ALK: variants seen among roughly 807,000 people sequenced by gnomAD.
The protein encoded by ALK is ALK receptor tyrosine kinase, also known as ALK tyrosine kinase receptor.
In ALK, 74 loss-of-function variants were observed where a neutral mutation model predicts 163.1. The ratio of observed to expected loss-of-function variants is 0.45; its 90% confidence interval spans 0.38 to 0.55. The LOEUF (loss-of-function observed/expected upper bound fraction) is 0.55. ALK is among the 20% of genes least tolerant of loss of function. The probability of loss-of-function intolerance (pLI) is 0.00; values close to 1 mark genes in which losing one functional copy is unlikely to be tolerated. For synonymous variants in ALK, 960 were observed against 843.2 expected (o/e 1.14, Z -2.40); for missense variants, 2,063 against 2,105.3 (o/e 0.98, Z 0.39).
intron 15 of ALK, among the ~76,000 whole-genome samples, chr2:29,230,162 G>A (rs890768999): frequency 6.6e-6 from 1 of 151,956 alleles, no homozygotes; most frequent in Non-Finnish European, 1.5e-5. Flanking sequence ...CATAGTATTT[G>A]CACATTCTCC....
At chr2:29,433,795 A>G (rs1035064825) in intron 4 of ALK, among the ~76,000 whole-genome samples, 3 of 152,248 alleles carry the variant, frequency 2.0e-5, no homozygotes, top group Non-Finnish European at 4.4e-5. Flanking sequence ...GGGTATGGGT[A>G]TACCCAGACT....
intron 1 of ALK, among the ~76,000 whole-genome samples, chr2:29,782,740 C>G (rs1663869043): frequency 6.6e-6 from 1 of 152,222 alleles, no homozygotes; most frequent in African/African-American, 2.4e-5. Context: ...CAGTGACCTA[C>G]ACAGAAGTGA....
At chr2:29,318,179 C>G in intron 8 of ALK, 125 bp downstream of exon 8, 2 of 755,668 alleles carry the variant, frequency 2.6e-6, no homozygotes, top group Non-Finnish European at 4.8e-6. Context: ...GCAGAGGTGG[C>G]CCTCTTGTTC....
intron 1 of ALK, among the ~76,000 whole-genome samples, chr2:29,776,621 A>AAACTTGTTT (rs1389447095): frequency 3.9e-5 from 6 of 152,120 alleles, no homozygotes; most frequent in African/African-American, 1.4e-4. Context: ...AGGCTAAGAT[A>AAACTTGTTT]TGGATAAACT....
chr2:29,209,902 C>T (rs1486432056), intron 24 of ALK, 24 bp from the exon 25 acceptor site: 1 of 1,595,684 alleles, frequency 6.3e-7, no homozygotes, highest in African/African-American at 1.3e-5. Flanking sequence ...AAATGCATTT[C>T]CTAATTTTAT....
At chr2:29,446,847 G>C (rs1670697469) in intron 4 of ALK, among the ~76,000 whole-genome samples, 1 of 152,200 alleles carries the variant, frequency 6.6e-6, no homozygotes, top group Non-Finnish European at 1.5e-5. Flanking sequence ...TTAAACTTTA[G>C]TTACCCTTCC....
intron 4 of ALK, among the ~76,000 whole-genome samples, chr2:29,392,889 G>A (rs1669210361): frequency 6.6e-6 from 1 of 152,214 alleles, no homozygotes. Context: ...AGGTTACTGA[G>A]TGTTAAAGGT....
intron 4 of ALK, among the ~76,000 whole-genome samples, chr2:29,483,893 T>G (rs1020560915): frequency 1.3e-5 from 2 of 152,172 alleles, no homozygotes; most frequent in Non-Finnish European, 2.9e-5. Context: ...CTGGGTAATT[T>G]ATAAAGAAAA....
intron 1 of ALK, among the ~76,000 whole-genome samples, chr2:29,826,812 T>C (rs1206593252): frequency 1.3e-5 from 2 of 152,234 alleles, no homozygotes; most frequent in Non-Finnish European, 2.9e-5. Flanking sequence ...TGTGGTTTAT[T>C]TGCCATAAGG....
At chr2:29,605,451 T>C (rs1222408026) in intron 3 of ALK, among the ~76,000 whole-genome samples, 2 of 152,198 alleles carry the variant, frequency 1.3e-5, no homozygotes, top group Admixed American at 6.5e-5. Context: ...ATGTTCAAAA[T>C]TCATAGGTTG....
At chr2:29,398,160 G>A (rs573713050) in intron 4 of ALK, among the ~76,000 whole-genome samples, 51 of 152,298 alleles carry the variant, frequency 3.3e-4, no homozygotes, top group Middle Eastern at 6.8e-3. Context: ...GCTAGAGGGG[G>A]CAGGAATCCC....
At chr2:29,550,084 T>G (rs756277792) in intron 3 of ALK, among the ~76,000 whole-genome samples, 12 of 152,324 alleles carry the variant, frequency 7.9e-5, no homozygotes, top group Admixed American at 2.0e-4. Flanking sequence ...TGTTCTTATC[T>G]TTAACAACAG....
At chr2:29,242,489 C>CCTT (rs1664548818) in intron 12 of ALK, among the ~76,000 whole-genome samples, 1 of 152,112 alleles carries the variant, frequency 6.6e-6, no homozygotes, top group Non-Finnish European at 1.5e-5. Context: ...CTCCTTTTAC[C>CCTT]CTTCCTAAGC....
Position 29,197,599 on chromosome 2 carries a change from A to AG in ALK, c.4015dup (p.Leu1339ProfsTer33), listed in dbSNP as rs1369350327. ...CCGGCCTCCACTGGTGACAAACTCC[A>AG]GAACTTCCTGGTTGCTTTTGCTGGG... On this transcript the variant is annotated frameshift_variant, in exon 27 of 29. Coordinates refer to ENST00000389048, the MANE Select transcript of ALK (RefSeq NM_004304.5). LOFTEE classifies it high-confidence loss of function. 1 of 1,613,876 alleles carries AG rather than the reference A, an allele frequency of 6.2e-7. No homozygotes were observed. The highest frequency in any genetic ancestry group is 8.5e-7 in the Non-Finnish European group (1 of 1,180,030).
At chr2:29,531,297 A>T (rs1054036126) in intron 4 of ALK, among the ~76,000 whole-genome samples, 1 of 152,198 alleles carries the variant, frequency 6.6e-6, no homozygotes, top group South Asian at 2.1e-4. Flanking sequence ...CCCTAGTTTA[A>T]GTTTGCTTTC....
chr2:29,350,025 A>G (rs1346658860), intron 5 of ALK, among the ~76,000 whole-genome samples: 3 of 152,234 alleles, frequency 2.0e-5, no homozygotes, highest in Admixed American at 1.3e-4. Context: ...ATAATCAGCA[A>G]GAACCATCTC....
chr2:29,477,509 C>T (rs4666223), intron 4 of ALK, among the ~76,000 whole-genome samples: 26,687 of 152,074 alleles, frequency 0.18, 2,590 homozygotes, highest in East Asian at 0.34. Flanking sequence ...GAAGTCCCCA[C>T]CCTCAGGTTC....
intron 23 of ALK, among the ~76,000 whole-genome samples, chr2:29,215,959 G>A (rs967396651): frequency 1.3e-5 from 2 of 152,176 alleles, no homozygotes; most frequent in African/African-American, 4.8e-5. Context: ...CTCATCAGGG[G>A]ACCCGAGGTA....
At chr2:29,498,720 T>C (rs527534216) in intron 4 of ALK, among the ~76,000 whole-genome samples, 1 of 152,364 alleles carries the variant, frequency 6.6e-6, no homozygotes, top group Non-Finnish European at 1.5e-5. Context: ...AGGAAGAAGC[T>C]GTTTGTGCTC....
Sources: gnomAD v4.1 joint callset for allele counts (sites outside exome capture counted in the v4.1 genomes callset) on GRCh38, gnomAD v4.1.1 for gene constraint, MANE v1.5 for transcripts, NCBI Gene and HGNC (gene_info 2026-07-23, HGNC 2026-07-21) for gene names.